Variants in FREM1 observed in about 807,000 individuals in gnomAD.
FREM1 encodes the protein FRAS1-related extracellular matrix protein 1.
FREM1 carries 220 observed loss-of-function variants against 210.1 expected under a neutral mutation model. The ratio of observed to expected loss-of-function variants is 1.05; its 90% CI spans 0.94 to 1.17. The LOEUF (loss-of-function observed/expected upper bound fraction) is 1.17, where lower values mean the gene tolerates loss of function less well. Among genes scored for constraint, FREM1 ranks in the 50% most tolerant of loss-of-function variants. The pLI is 0.00. For missense variants in FREM1, 3,454 were observed against 2,675.5 expected, an observed-to-expected ratio of 1.29 and a Z score of -6.42; for synonymous variants, 1,189 against 980.2, an observed-to-expected ratio of 1.21 and a Z score of -3.98.
chr9:14,862,479 G>C (rs1248203707), intron 3 of FREM1, among the ~76,000 whole-genome samples: 1 of 152,142 alleles, frequency 6.6e-6, no homozygotes, highest in Non-Finnish European at 1.5e-5. Flanking sequence ...ATAATCGTGA[G>C]CTTAAATTTA....
intron 33 of FREM1, 41 bp downstream of exon 33, chr9:14,747,223 C>T (rs1842629358): frequency 1.3e-6 from 2 of 1,597,362 alleles, no homozygotes; most frequent in Admixed American, 1.7e-5. Flanking sequence ...CAGCAAACAA[C>T]TTGTTATAAG....
Position 14,824,800 on chromosome 9 carries a change from G to A in FREM1, c.2074C>T (p.His692Tyr). Residue 692 changes from histidine (H) to tyrosine (Y), a missense_variant, in exon 11 of 37, where the codon CAC becomes TAC. By Grantham distance (83) the His-to-Tyr change is moderately conservative (BLOSUM62 2). Transcript: ENST00000380880. The stretch of plus-strand genomic sequence containing the variant: ...AAATGGTGACTTTTCAGATACCTGT[G>A]GCTGAAGGAGAAAAATGGAGGAGTA... ...ITTPPFFSFSHRHLDAGKLFM... is the reference protein window; with the variant it reads ...ITTPPFFSFSYRHLDAGKLFM... 1.2e-6 allele frequency: 2 copies of A among 1,608,790 alleles called. No homozygotes were observed. Among genetic ancestry groups the A allele is most frequent in the Non-Finnish European group, 1.7e-6 (2 of 1,176,884 alleles).
chr9:14,747,446 TCAA>T lies in FREM1; in HGVS notation c.5845-21_5845-19del. 1 of 1,605,512 alleles carries T rather than the reference TCAA, an allele frequency of 6.2e-7. No individual in the cohort carries two copies. ...CCATGATACTTGAGGAAACCAACAA[TCAA>T]CAACAATAAGGAAAAAACAAACATC... On this transcript the variant is annotated intron_variant, in intron 32 of 36. Coordinates refer to ENST00000380880, the MANE Select transcript of FREM1 (RefSeq NM_001379081.2).
rs1851655201 is a variant in FREM1 at position 14,792,782 on chromosome 9, T to C, written c.3942A>G (p.Val1314=). ...EDSPREKIYY[V]FERLPQNGQL... ...GCCCATTTTGGGGAAGCCTTTCAAA[T>C]ACATAGTAAATCTTCTCCCTGGGTG... The change falls in exon 22 of 37, where the codon GTA becomes GTG. Residue 1314 remains valine (V), a synonymous_variant. Coordinates refer to ENST00000380880, the MANE Select transcript of FREM1 (RefSeq NM_001379081.2). The C allele has an allele frequency of 1.2e-6, 2 of 1,605,680 alleles. No individual in the cohort carries two copies. Among genetic ancestry groups the C allele is most frequent in the Non-Finnish European group, 1.7e-6 (2 of 1,177,044 alleles).
chr9:14,786,606 T>C (rs1449865271), intron 23 of FREM1, among the ~76,000 whole-genome samples: 1 of 152,190 alleles, frequency 6.6e-6, no homozygotes, highest in East Asian at 1.9e-4. Context: ...TTCAGAGACC[T>C]GGGATGCTGC....
In FREM1 at chr9:14,877,574, G is replaced by T. The variant is rs544791868; in HGVS notation, c.-267-8330C>A. Among the ~76,000 whole-genome samples the T allele has an allele frequency of 3.3e-5, 5 of 151,926 alleles. 1 individual carries two copies. Among genetic ancestry groups the T allele is most frequent in the Admixed American group, 3.3e-4 (5 of 15,238 alleles). ...CAACAGAATTGAACAAAGGTGATGGGTGTCACTCCTATGATTACATTTTGT... is the reference window on the plus strand; with the variant it reads ...CAACAGAATTGAACAAAGGTGATGGTTGTCACTCCTATGATTACATTTTGT... On this transcript the variant is annotated intron_variant, in intron 1 of 36. Coordinates refer to ENST00000380880, the MANE Select transcript of FREM1 (RefSeq NM_001379081.2).
At chr9:14,860,002 C>T (rs1482121337) in intron 3 of FREM1, among the ~76,000 whole-genome samples, 1 of 152,148 alleles carries the variant, frequency 6.6e-6, no homozygotes, top group East Asian at 1.9e-4. Flanking sequence ...TCCCTCCATC[C>T]ACTTAGCAAC....
At chr9:14,886,895 C>CAAAAA (rs59827471) in intron 1 of FREM1, among the ~76,000 whole-genome samples, 14 of 95,480 alleles carry the variant, frequency 1.5e-4, no homozygotes, top group Non-Finnish European at 2.4e-4. Context: ...GACCTTGTTT[C>CAAAAA]AAAAAAAAAA....
At chr9:14,848,634 A>G (rs1188028364) in intron 7 of FREM1, 31 bp downstream of exon 7, 2 of 1,283,936 alleles carry the variant, frequency 1.6e-6, no homozygotes, top group Non-Finnish European at 2.3e-6. Context: ...CTTCAGGGCT[A>G]TGTTGCTCTA....
intron 16 of FREM1, among the ~76,000 whole-genome samples, chr9:14,810,478 G>T (rs957535448): frequency 1.3e-5 from 2 of 152,032 alleles, no homozygotes; most frequent in Admixed American, 6.6e-5. Context: ...GGAAGACAGG[G>T]TCTCACTCTG....
At chr9:14,878,844 A>G (rs1834260867) in intron 1 of FREM1, among the ~76,000 whole-genome samples, 1 of 152,108 alleles carries the variant, frequency 6.6e-6, no homozygotes, top group Non-Finnish European at 1.5e-5. Flanking sequence ...GAATATTATT[A>G]TATCTAAAAA....
At chr9:14,865,841 A>T (rs1831421278) in intron 2 of FREM1, among the ~76,000 whole-genome samples, 1 of 152,214 alleles carries the variant, frequency 6.6e-6, no homozygotes, top group African/African-American at 2.4e-5. Flanking sequence ...TGTTGAAATT[A>T]TGAGAATAAC....
intron 15 of FREM1, among the ~76,000 whole-genome samples, chr9:14,816,272 C>G (rs2133652932): frequency 6.6e-6 from 1 of 152,212 alleles, no homozygotes; most frequent in Non-Finnish European, 1.5e-5. Context: ...CATAGTACTA[C>G]TACTTCATCA....
intron 13 of FREM1, among the ~76,000 whole-genome samples, 167 bp from the exon 14 acceptor site, chr9:14,819,609 T>A (rs537029648): frequency 6.6e-5 from 10 of 152,034 alleles, no homozygotes; most frequent in East Asian, 1.9e-4. Context: ...GACTGAAAAA[T>A]TTTTTTTTAC....
chr9:14,800,649 A>C (rs1157730760), intron 20 of FREM1, among the ~76,000 whole-genome samples: 1 of 152,112 alleles, frequency 6.6e-6, no homozygotes. Flanking sequence ...TATAGCATTA[A>C]ATGTTTGAGT....
intron 3 of FREM1, among the ~76,000 whole-genome samples, chr9:14,861,062 CACATATACATATAT>C (rs1250794117): frequency 0.091 from 6,075 of 66,514 alleles, 576 homozygotes; most frequent in Middle Eastern, 0.11. Flanking sequence ...TACATATATA[CACATATACATATAT>C]ACATATATAC....
chr9:14,884,844 C>G (rs73417666), intron 1 of FREM1, among the ~76,000 whole-genome samples: 2 of 151,222 alleles, frequency 1.3e-5, no homozygotes, highest in Non-Finnish European at 2.9e-5. Context: ...TGGTAGCTAC[C>G]CAACACAAGG....
rs569742806 is a variant in FREM1 at position 14,885,048 on chromosome 9, C to G, written c.-267-15804G>C. The stretch of plus-strand genomic sequence containing the variant: ...CACGCCATTCTCCTGCCTCAGCCCC[C>G]CGAGTGGCTGGGACTACAGCTGCCC... On this transcript the variant is annotated intron_variant, in intron 1 of 36. Transcript: ENST00000380880. 7.2e-4 allele frequency among the ~76,000 whole-genome samples: 103 copies of G among 143,752 alleles called. 8 individuals are homozygous for G. The highest frequency in any genetic ancestry group is 1.5e-3 in the East Asian group (7 of 4,632). The allele number at this position is 143,752 out of a possible 152,430, so 94.3% of individuals were successfully genotyped here.
chr9:14,889,262 T>A (rs2132333387), intron 1 of FREM1, among the ~76,000 whole-genome samples: 1 of 152,354 alleles, frequency 6.6e-6, no homozygotes, highest in Admixed American at 6.5e-5. Flanking sequence ...TCTGGAAAGC[T>A]GGTACCAATT....
Sources: allele counts gnomAD v4.1 joint callset (sites outside exome capture counted in the v4.1 genomes callset), GRCh38; gene constraint gnomAD v4.1.1; transcripts MANE v1.5; gene names NCBI Gene and HGNC (gene_info 2026-07-23, HGNC 2026-07-21).